COL4A6: variants seen among roughly 807,000 people sequenced by gnomAD.
The protein encoded by COL4A6 is collagen type IV alpha 6 chain.
COL4A6 carries 59 observed loss-of-function variants against 126.7 expected under a neutral mutation model. That is an observed-to-expected ratio of 0.47 (90% CI 0.38 to 0.58). The LOEUF is 0.58. COL4A6 is among the 20% of genes least tolerant of loss of function. The pLI is 0.00. For synonymous variants in COL4A6, 547 were observed against 496.6 expected (o/e 1.10, Z -1.35); for missense variants, 1,285 against 1,337.3 (o/e 0.96, Z 0.61).
At chrX:108,326,105 T>C (rs1361897992) in intron 2 of COL4A6, among the ~76,000 whole-genome samples, 1 of 112,011 alleles carries the variant, frequency 8.9e-6, no homozygotes, top group East Asian at 2.8e-4. Flanking sequence ...AAAAGGAAGA[T>C]GCAAAACAAG....
At chrX:108,214,016 C>T (rs2035787054) in intron 6 of COL4A6, 96 bp downstream of exon 6, 3 of 698,940 alleles carry the variant, frequency 4.3e-6, no homozygotes, top group South Asian at 2.2e-5. Context: ...AGTGGCTGCC[C>T]CACAAAATCT....
At chrX:108,334,990 T>C (rs1382831760) in intron 2 of COL4A6, among the ~76,000 whole-genome samples, 2 of 112,225 alleles carry the variant, frequency 1.8e-5, no homozygotes, top group African/African-American at 6.5e-5. Flanking sequence ...TAGAAAAATG[T>C]AACTACCAAC....
chrX:108,228,345 C>A (rs1244210716), intron 3 of COL4A6, among the ~76,000 whole-genome samples: 2 of 112,103 alleles, frequency 1.8e-5, no homozygotes, highest in African/African-American at 6.5e-5. Flanking sequence ...TGATGCATGG[C>A]CCATCACCAA....
chrX:108,326,466 G>A (rs946613573), intron 2 of COL4A6, among the ~76,000 whole-genome samples: 26 of 111,938 alleles, frequency 2.3e-4, no homozygotes, highest in Admixed American at 1.2e-3. Flanking sequence ...ATTTGAACAT[G>A]TATATGAAAA....
intron 2 of COL4A6, among the ~76,000 whole-genome samples, chrX:108,332,694 GTTAT>G (rs1210224849): frequency 7.3e-5 from 8 of 110,056 alleles, no homozygotes; most frequent in East Asian, 2.9e-4. Flanking sequence ...TTTTAATAGA[GTTAT>G]TTGTTAGTTT....
chrX:108,327,083 T>C (rs777352511), intron 2 of COL4A6, among the ~76,000 whole-genome samples: 1 of 111,346 alleles, frequency 9.0e-6, no homozygotes, highest in Admixed American at 9.5e-5. Flanking sequence ...CCCGTACCTG[T>C]CTGTGGCCTG....
chrX:108,280,724 A>C (rs2037786808), intron 3 of COL4A6, among the ~76,000 whole-genome samples: 1 of 111,649 alleles, frequency 9.0e-6, no homozygotes, highest in Admixed American at 9.5e-5. Context: ...TCCTTGATGA[A>C]CATTGATGCA....
intron 2 of COL4A6, among the ~76,000 whole-genome samples, chrX:108,312,179 C>G (rs1176619342): frequency 8.9e-6 from 1 of 112,099 alleles, no homozygotes; most frequent in African/African-American, 3.2e-5. Flanking sequence ...TATGAGCTGA[C>G]CTCACACTTA....
chrX:108,340,922 A>C (rs2039548952), intron 2 of COL4A6, among the ~76,000 whole-genome samples: 1 of 110,361 alleles, frequency 9.1e-6, no homozygotes, highest in Admixed American at 9.7e-5. Flanking sequence ...TGAAAGGAAA[A>C]AATGCTTTAG....
chrX:108,167,182 AT>A (rs1174669766), intron 37 of COL4A6, among the ~76,000 whole-genome samples: 1 of 112,477 alleles, frequency 8.9e-6, no homozygotes, highest in Non-Finnish European at 1.9e-5. Context: ...AAAACAGCCC[AT>A]TTTTCCAACT....
chrX:108,211,827 A>C, intron 6 of COL4A6, 87 bp from the exon 7 acceptor site: 1 of 917,787 alleles, frequency 1.1e-6, no homozygotes, highest in South Asian at 2.2e-5. Context: ...AGGATGGGAC[A>C]GCAAGAGCCT....
In COL4A6 at chrX:108,187,133, A is replaced by T; in HGVS notation, c.1914T>A (p.Asp638Glu). ...PRGLPGDKGKDGLPGQQGLPG... is the reference protein window; with the variant it reads ...PRGLPGDKGKEGLPGQQGLPG... The stretch of plus-strand genomic sequence containing the variant: ...GAAGGCCTTGTTGTCCCGGTAATCC[A>T]TCCTTGCCTTTATCTCCAGGAAGCC... Residue 638 changes from aspartate to glutamate, a missense_variant, in exon 23 of 45, where the codon GAT becomes GAA. Physicochemically the swap from Asp to Glu is conservative, Grantham distance 45. Transcript: ENST00000334504. The T allele has an allele frequency of 8.4e-7, 1 of 1,185,350 alleles. No homozygotes were observed. Among genetic ancestry groups the T allele is most frequent in the Non-Finnish European group, 1.1e-6 (1 of 879,478 alleles).
At position 108,310,098 on chromosome X, in the gene COL4A6, G is replaced by A. The variant is rs554683578; in HGVS notation, c.144+650C>T. Among the ~76,000 whole-genome samples, 62 of 111,012 alleles carry A rather than the reference G, an allele frequency of 5.6e-4. 1 individual carries two copies. In the Middle Eastern group the frequency reaches 0.019, roughly 33 times the overall value. On this transcript the variant is annotated intron_variant, in intron 3 of 44. Coordinates refer to ENST00000334504, the MANE Select transcript of COL4A6 (RefSeq NM_033641.4). Reference sequence around the variant, plus strand: ...TGAAAATCATAGATACAAATATCTAGGGGCTATGCATATTCAGGGATTGAT... The same window carrying A: ...TGAAAATCATAGATACAAATATCTAAGGGCTATGCATATTCAGGGATTGAT...
At chrX:108,403,822 A>C (rs1333017350) in intron 2 of COL4A6, among the ~76,000 whole-genome samples, 3 of 111,491 alleles carry the variant, frequency 2.7e-5, no homozygotes, top group Admixed American at 9.6e-5. Flanking sequence ...GTGATCTTTG[A>C]TATTTGTGAA....
At chrX:108,232,321 T>C (rs2036330508) in intron 3 of COL4A6, among the ~76,000 whole-genome samples, 1 of 111,650 alleles carries the variant, frequency 9.0e-6, no homozygotes, top group African/African-American at 3.3e-5. Flanking sequence ...AAAAATCACA[T>C]AAAACTGTAA....
intron 2 of COL4A6, among the ~76,000 whole-genome samples, chrX:108,355,225 A>T (rs957846593): frequency 1.8e-5 from 2 of 112,117 alleles, no homozygotes; most frequent in African/African-American, 6.5e-5. Flanking sequence ...CATTACAGAG[A>T]TCACATGAAT....
chrX:108,383,668 C>T, intron 2 of COL4A6: 1 of 509,830 alleles, frequency 2.0e-6, no homozygotes, highest in Non-Finnish European at 3.5e-6. Flanking sequence ...TGCCGTTGAA[C>T]AAATATTTTT....
chrX:108,325,775 T>C (rs1987165076), intron 2 of COL4A6, among the ~76,000 whole-genome samples: 1 of 108,492 alleles, frequency 9.2e-6, no homozygotes, highest in African/African-American at 3.4e-5. Flanking sequence ...TAAAAATTAG[T>C]CAGTGTAACT....
Position 108,177,030 on chromosome X carries a change from G to A in COL4A6, c.2516-19C>T. ...GGATGTCCTGAATAAGCACAGGAGA[G>A]AACACAGGACAGCTGTCAAGTGAGG... On this transcript the variant is annotated intron_variant, in intron 27 of 44. Coordinates refer to ENST00000334504, the MANE Select transcript of COL4A6 (RefSeq NM_033641.4). 8.3e-7 allele frequency: 1 copy of A among 1,199,245 alleles called. No homozygotes were observed. Among genetic ancestry groups the A allele is most frequent in the South Asian group, 1.8e-5 (1 of 54,976 alleles).
Sources: gnomAD v4.1 joint callset for allele counts (sites outside exome capture counted in the v4.1 genomes callset) on GRCh38, gnomAD v4.1.1 for gene constraint, MANE v1.5 for transcripts, NCBI Gene and HGNC (gene_info 2026-07-23, HGNC 2026-07-21) for gene names.